Variants in LMX1B observed in about 807,000 individuals in gnomAD.
LMX1B encodes LIM homeobox transcription factor 1 beta, also known as LIM homeobox transcription factor 1-beta.
Under a neutral mutation model 51.4 loss-of-function variants are expected in LMX1B, and 12 were observed. The observed-to-expected ratio is 0.23, with a 90% CI of 0.15 to 0.38. The LOEUF is 0.38. LMX1B is among the 10% of genes least tolerant of loss of function. The pLI, the probability that LMX1B is intolerant of heterozygous loss-of-function variation, is 1.00. For synonymous variants in LMX1B, 237 were observed against 235.4 expected, an observed-to-expected ratio of 1.01 and a Z score of -0.06; for missense variants, 445 against 571.1, an observed-to-expected ratio of 0.78 and a Z score of 2.25.
chr9:126,656,803 C>T (rs940653530), intron 2 of LMX1B, among the ~76,000 whole-genome samples: 1 of 152,226 alleles, frequency 6.6e-6, no homozygotes, highest in Non-Finnish European at 1.5e-5. Context: ...TGTTCAGCAG[C>T]ATCTCAGCTG....
chr9:126,628,858 G>T (rs552674729), intron 2 of LMX1B, among the ~76,000 whole-genome samples: 7 of 152,232 alleles, frequency 4.6e-5, no homozygotes, highest in African/African-American at 1.2e-4. Context: ...AGCGGGGAGG[G>T]GGGTGTGGGA....
intron 2 of LMX1B, among the ~76,000 whole-genome samples, chr9:126,617,991 G>C (rs1339941085): frequency 2.0e-5 from 3 of 152,160 alleles, no homozygotes; most frequent in Non-Finnish European, 4.4e-5. Context: ...CGCCGCTCCA[G>C]GCAGGCAGCA....
At chr9:126,655,977 A>G (rs117523440) in intron 2 of LMX1B, among the ~76,000 whole-genome samples, 2,774 of 152,286 alleles carry the variant, frequency 0.018, 47 homozygotes, top group Non-Finnish European at 0.027. Context: ...ATAAAAGCAG[A>G]GGATCAAATC....
chr9:126,619,730 A>G (rs1835373428), intron 2 of LMX1B, among the ~76,000 whole-genome samples: 1 of 152,080 alleles, frequency 6.6e-6, no homozygotes, highest in African/African-American at 2.4e-5. Flanking sequence ...TGCTGAACGG[A>G]GGCATTATTC....
At chr9:126,620,504 G>T (rs1305281369) in intron 2 of LMX1B, among the ~76,000 whole-genome samples, 1 of 152,162 alleles carries the variant, frequency 6.6e-6, no homozygotes, top group Non-Finnish European at 1.5e-5. Flanking sequence ...CTCAAGAGAG[G>T]TGGAAAACCT....
intron 2 of LMX1B, among the ~76,000 whole-genome samples, chr9:126,619,285 C>A (rs937295707): frequency 1.3e-5 from 2 of 152,212 alleles, no homozygotes; most frequent in African/African-American, 4.8e-5. Flanking sequence ...CACCTCTCCC[C>A]CCACACTCCC....
At position 126,698,872 on chromosome 9, in the gene LMX1B, T is replaced by C. The variant is rs1268495595; in HGVS notation, c.*2421T>C. On this transcript the variant is annotated 3_prime_UTR_variant, in exon 8 of 8. Coordinates refer to ENST00000373474, the MANE Select transcript of LMX1B (RefSeq NM_001174147.2). ...CTGACATGTGGCCTCGTGTCACCCA[T>C]TGGGCCCCAGCAGCCAGCTAGCCCT... is the stretch of plus-strand genomic sequence containing the variant. 2.0e-5 allele frequency: 3 copies of C among 152,360 alleles called. No homozygotes were observed. The highest frequency in any genetic ancestry group is 4.4e-5 in the Non-Finnish European group (3 of 68,166). 9.4% of individuals were successfully genotyped at this position (152,360 alleles called of 1,614,324 possible). A position where few individuals can be genotyped will look rare whatever the true frequency, so the allele number is the denominator to read the frequency against.
intron 6 of LMX1B, 26 bp downstream of exon 6, chr9:126,693,838 G>A (rs2030235891): frequency 9.2e-7 from 1 of 1,089,380 alleles, no homozygotes; most frequent in Non-Finnish European, 1.4e-6. Context: ...GGCAGGGCCT[G>A]GGCCAGGGTG....
intron 2 of LMX1B, among the ~76,000 whole-genome samples, chr9:126,639,446 C>T (rs975988743): frequency 1.3e-5 from 2 of 152,256 alleles, no homozygotes; most frequent in African/African-American, 4.8e-5. Flanking sequence ...GAGGGTCTCA[C>T]CCTAAGCTCC....
intron 2 of LMX1B, among the ~76,000 whole-genome samples, chr9:126,627,341 C>T (rs1835554481): frequency 2.6e-5 from 4 of 152,110 alleles, no homozygotes; most frequent in African/African-American, 9.7e-5. Flanking sequence ...CTTCTGACTT[C>T]ATTGATTCTA....
intron 2 of LMX1B, among the ~76,000 whole-genome samples, chr9:126,662,305 A>C (rs1836261426): frequency 6.6e-6 from 1 of 152,240 alleles, no homozygotes; most frequent in Admixed American, 6.5e-5. Flanking sequence ...GTGACTGCTC[A>C]GTACCTGGTG....
chr9:126,667,126 G>T (rs1381299869), intron 2 of LMX1B, among the ~76,000 whole-genome samples: 1 of 152,216 alleles, frequency 6.6e-6, no homozygotes, highest in Non-Finnish European at 1.5e-5. Flanking sequence ...GAGGCGGTCA[G>T]TTGACAGATG....
Position 126,667,243 on chromosome 9 carries a change from C to T in LMX1B, c.327-23593C>T, listed in dbSNP as rs187648304. ...TTTCCTCTAACTGCTCTGCTCTGTA[C>T]TGGCTTGTCCCACTTAGCAACACGC... is the stretch of plus-strand genomic sequence containing the variant. On this transcript the variant is annotated intron_variant, in intron 2 of 7. Transcript: ENST00000373474. Among the ~76,000 whole-genome samples the T allele has an allele frequency of 3.2e-3, 488 of 152,336 alleles. 8 individuals are homozygous for T. The highest frequency in any genetic ancestry group is 8.1e-4 in the Non-Finnish European group (55 of 68,038).
At chr9:126,621,105 AGAAAAG>A (rs1197956829) in intron 2 of LMX1B, among the ~76,000 whole-genome samples, 1 of 152,182 alleles carries the variant, frequency 6.6e-6, no homozygotes, top group African/African-American at 2.4e-5. Context: ...TAAAAAATAA[AGAAAAG>A]GAAGAGGAAA....
intron 2 of LMX1B, among the ~76,000 whole-genome samples, chr9:126,679,736 T>A (rs1836638624): frequency 6.6e-6 from 1 of 152,206 alleles, no homozygotes; most frequent in East Asian, 1.9e-4. Context: ...TTCCTAACCC[T>A]GAAAATGGCC....
chr9:126,662,226 T>A (rs775470102), intron 2 of LMX1B, among the ~76,000 whole-genome samples: 37 of 152,168 alleles, frequency 2.4e-4, no homozygotes, highest in Non-Finnish European at 4.7e-4. Flanking sequence ...ATATGGTGCC[T>A]TGTACTGGGA....
rs370880644 is a variant in LMX1B at position 126,699,032 on chromosome 9, C to G, written c.*2581C>G. On this transcript the variant is annotated 3_prime_UTR_variant, in exon 8 of 8. Transcript: ENST00000373474. ...GCAGCTGCACTGGCTTCTGGAGAGA[C>G]ACCCCTCTTTCTCCTTTTGCACATG... 8.1e-6 allele frequency: 1 copy of G among 123,162 alleles called. No homozygotes were observed. Among genetic ancestry groups the G allele is most frequent in the Non-Finnish European group, 1.9e-5 (1 of 53,882 alleles). 7.6% of individuals were successfully genotyped at this position (123,162 alleles called of 1,614,324 possible).
intron 2 of LMX1B, among the ~76,000 whole-genome samples, chr9:126,651,663 C>T (rs984292673): frequency 3.3e-5 from 5 of 152,242 alleles, no homozygotes; most frequent in East Asian, 1.9e-4. Flanking sequence ...CTCCTGAGGC[C>T]GACTCAGTTC....
At chr9:126,659,957 G>GA (rs1836198374) in intron 2 of LMX1B, among the ~76,000 whole-genome samples, 1 of 150,852 alleles carries the variant, frequency 6.6e-6, no homozygotes, top group African/African-American at 2.5e-5. Context: ...TCCTGTGTGG[G>GA]GGTGTCTACA....
Sources: gnomAD v4.1 joint callset for allele counts (sites outside exome capture counted in the v4.1 genomes callset) on GRCh38, gnomAD v4.1.1 for gene constraint, MANE v1.5 for transcripts, NCBI Gene and HGNC (gene_info 2026-07-23, HGNC 2026-07-21) for gene names.